DAB1: variants seen among roughly 807,000 people sequenced by gnomAD.
DAB1 encodes DAB adaptor protein 1.
In DAB1, 15 loss-of-function variants were observed where a neutral mutation model predicts 64.6. The ratio of observed to expected loss-of-function variants is 0.23; its 90% CI spans 0.16 to 0.36. DAB1 has a LOEUF of 0.36. Ranked by LOEUF, DAB1 falls within the 10% of genes least tolerant of loss-of-function variation. The probability of loss-of-function intolerance (pLI) is 1.00; values close to 1 mark genes in which losing one functional copy is unlikely to be tolerated. For synonymous variants in DAB1, 235 were observed against 251.9 expected, an observed-to-expected ratio of 0.93 and a Z score of 0.64; for missense variants, 596 against 706.7, an observed-to-expected ratio of 0.84 and a Z score of 1.78.
chr1:57,018,877 T>C (rs563574289), intron 11 of DAB1, among the ~76,000 whole-genome samples: 1 of 152,308 alleles, frequency 6.6e-6, no homozygotes, highest in South Asian at 2.1e-4. Flanking sequence ...CCTCCAGCAT[T>C]TGCAAACAAA....
At chr1:58,474,281 A>C (rs1645397192) in intron 3 of DAB1, among the ~76,000 whole-genome samples, 1 of 152,140 alleles carries the variant, frequency 6.6e-6, no homozygotes, top group Non-Finnish European at 1.5e-5. Flanking sequence ...TGGATCTCAC[A>C]GCTGGTAAGG....
chr1:58,206,437 C>T (rs953539809), intron 4 of DAB1, among the ~76,000 whole-genome samples: 2 of 152,258 alleles, frequency 1.3e-5, no homozygotes, highest in Middle Eastern at 6.8e-3. Context: ...GAATGGGAGG[C>T]AGGTTTGCCC....
chr1:58,428,586 T>C (rs1439859737), intron 3 of DAB1, among the ~76,000 whole-genome samples: 1 of 152,224 alleles, frequency 6.6e-6, no homozygotes, highest in Admixed American at 6.5e-5. Flanking sequence ...TGAGAAGCTA[T>C]TGCCATTTTA....
rs199645763 is a variant in DAB1 at position 57,290,956 on chromosome 1, A to G, written c.67+8T>C. The stretch of plus-strand genomic sequence containing the variant: ...TAGCCATTAAAAAAAGGTCAAATTC[A>G]GCCCTACCTTTCTTTCTGGAGTCTT... On this transcript the variant is annotated splice_region_variant and intron_variant, in intron 2 of 14. Coordinates refer to ENST00000371236, the MANE Select transcript of DAB1 (RefSeq NM_001365792.1). 4.2e-5 allele frequency: 68 copies of G among 1,607,786 alleles called. No individual in the cohort carries two copies. The African/African-American group carries it at 7.1e-4, about 17-fold the overall frequency.
Position 57,520,865 on chromosome 1 carries a change from T to C in DAB1, n.625+128727A>G, listed in dbSNP as rs532474028. On this transcript the variant is annotated intron_variant and non_coding_transcript_variant, in intron 7 of 20. Transcript: ENST00000485760. ...CCTAGAGCAGGTCCTTGAGCTAAGT[T>C]TTGGCATAGCCATCCAACAGGAAAA... 9.9e-5 allele frequency among the ~76,000 whole-genome samples: 15 copies of C among 152,062 alleles called. No individual in the cohort carries two copies. In the East Asian group the frequency reaches 2.7e-3, roughly 28 times the overall value.
chr1:57,026,505 G>A (rs578028863), intron 9 of DAB1, among the ~76,000 whole-genome samples: 1 of 152,308 alleles, frequency 6.6e-6, no homozygotes, highest in South Asian at 2.1e-4. Context: ...TTCACCCTGA[G>A]AGGTAGGAAT....
intron 3 of DAB1, among the ~76,000 whole-genome samples, chr1:58,397,065 A>T (rs1246568476): frequency 7.9e-6 from 1 of 126,592 alleles, no homozygotes; most frequent in Admixed American, 7.5e-5. Flanking sequence ...ACTCCGTCTC[A>T]AAAAAAAAAA....
At chr1:57,135,732 G>T (rs928569411) in intron 4 of DAB1, among the ~76,000 whole-genome samples, 1 of 152,090 alleles carries the variant, frequency 6.6e-6, no homozygotes, top group Non-Finnish European at 1.5e-5. Context: ...AAATGACCAA[G>T]GTAATGTAAC....
chr1:58,108,463 G>A (rs904856094), intron 5 of DAB1, among the ~76,000 whole-genome samples: 2 of 152,140 alleles, frequency 1.3e-5, no homozygotes, highest in African/African-American at 4.8e-5. Flanking sequence ...CCAGGTACTC[G>A]ACTAAGAACT....
intron 7 of DAB1, among the ~76,000 whole-genome samples, chr1:57,533,738 G>A (rs1160530797): frequency 6.6e-6 from 1 of 151,668 alleles, no homozygotes; most frequent in Non-Finnish European, 1.5e-5. Flanking sequence ...TTAAAAGGAG[G>A]AGAAAAGGAA....
chr1:58,252,571 G>A (rs1327855131), intron 4 of DAB1, among the ~76,000 whole-genome samples: 2 of 152,188 alleles, frequency 1.3e-5, no homozygotes, highest in Admixed American at 6.5e-5. Flanking sequence ...GCTGAGACAC[G>A]TGATAATTTC....
intron 9 of DAB1, among the ~76,000 whole-genome samples, chr1:57,027,267 G>A (rs1646820971): frequency 6.6e-6 from 1 of 152,154 alleles, no homozygotes; most frequent in Non-Finnish European, 1.5e-5. Context: ...GGTCAGGGAG[G>A]GTCCCAGATG....
intron 7 of DAB1, among the ~76,000 whole-genome samples, chr1:57,628,538 A>C (rs555424885): frequency 6.6e-6 from 1 of 152,264 alleles, no homozygotes; most frequent in South Asian, 2.1e-4. Flanking sequence ...AAATACTTAA[A>C]TAAGTCCCAT....
intron 2 of DAB1, among the ~76,000 whole-genome samples, chr1:57,183,428 G>GC (rs769447475): frequency 3.9e-5 from 6 of 152,182 alleles, no homozygotes; most frequent in Non-Finnish European, 8.8e-5. Context: ...GAGGAAAGAA[G>GC]CAACAGTTGC....
chr1:57,760,242 C>T (rs998289739), intron 6 of DAB1, among the ~76,000 whole-genome samples: 9 of 152,112 alleles, frequency 5.9e-5, no homozygotes, highest in Non-Finnish European at 1.2e-4. Context: ...GCAGGTATGG[C>T]CTTGCCACCC....
intron 9 of DAB1, among the ~76,000 whole-genome samples, chr1:57,040,079 T>A (rs1232508456): frequency 1.3e-5 from 2 of 152,196 alleles, no homozygotes; most frequent in Non-Finnish European, 2.9e-5. Flanking sequence ...ATAATTCACA[T>A]AAAACCTGTA....
chr1:57,379,722 A>C (rs1681202900), intron 1 of DAB1, among the ~76,000 whole-genome samples: 1 of 152,232 alleles, frequency 6.6e-6, no homozygotes, highest in Admixed American at 6.5e-5. Context: ...GGGCAGATTC[A>C]GTATTACACA....
chr1:57,901,160 G>C (rs1415249989), intron 5 of DAB1, among the ~76,000 whole-genome samples: 1 of 152,092 alleles, frequency 6.6e-6, no homozygotes, highest in African/African-American at 2.4e-5. Context: ...AGTCTGTCCA[G>C]CTCTCCTGCT....
intron 5 of DAB1, among the ~76,000 whole-genome samples, chr1:58,051,618 G>A (rs965055972): frequency 2.0e-5 from 3 of 152,128 alleles, no homozygotes; most frequent in African/African-American, 4.8e-5. Context: ...TTGAGGAATC[G>A]CCACACTGTC....
Sources: gnomAD v4.1 joint callset for allele counts (sites outside exome capture counted in the v4.1 genomes callset) on GRCh38, gnomAD v4.1.1 for gene constraint, MANE v1.5 for transcripts, NCBI Gene and HGNC (gene_info 2026-07-23, HGNC 2026-07-21) for gene names.